The following ATP6V0A4 variants were observed in gnomAD, a reference collection of about 807,000 sequenced individuals.
ATP6V0A4 encodes the protein ATPase H+ transporting V0 subunit a4.
ATP6V0A4 carries 86 observed loss-of-function variants against 107.3 expected under a neutral mutation model. That is an observed-to-expected ratio of 0.80 (90% CI 0.67 to 0.96). ATP6V0A4 has a LOEUF of 0.96. ATP6V0A4 is among the 40% of genes least tolerant of loss of function. The pLI is 0.00. For missense variants in ATP6V0A4, 908 were observed against 1,045.6 expected (o/e 0.87, Z 1.81); for synonymous variants, 353 against 381.4 (o/e 0.93, Z 0.87).
At chr7:138,716,688 C>G (rs903628629) in intron 19 of ATP6V0A4, among the ~76,000 whole-genome samples, 2 of 152,038 alleles carry the variant, frequency 1.3e-5, no homozygotes, top group Non-Finnish European at 1.5e-5. Flanking sequence ...CTCAGCCTAC[C>G]GAGTAGCTGG....
chr7:138,717,195 A>G (rs924947395), intron 19 of ATP6V0A4, among the ~76,000 whole-genome samples: 15 of 152,186 alleles, frequency 9.9e-5, no homozygotes, highest in Non-Finnish European at 1.5e-5. Flanking sequence ...GCCCCGAAGA[A>G]AAGTCCCGGC....
At chr7:138,718,998 A>G (rs1209913090) in intron 19 of ATP6V0A4, among the ~76,000 whole-genome samples, 1 of 152,082 alleles carries the variant, frequency 6.6e-6, no homozygotes, top group Admixed American at 6.6e-5. Context: ...CAACCCGAGC[A>G]ACAAAGTGAG....
chr7:138,707,361 T>TATTATATATATATTTATATATATATTAC (rs1803493292), intron 21 of ATP6V0A4, among the ~76,000 whole-genome samples: 2 of 107,256 alleles, frequency 1.9e-5, no homozygotes, highest in Non-Finnish European at 3.5e-5. Context: ...ATATATATTA[T>TATTATATATATATTTATATATATATTAC]ATTATATATA....
Position 138,749,308 on chromosome 7 carries a change from C to T in ATP6V0A4, c.1039G>A (p.Gly347Ser), listed in dbSNP as rs780119294. 6.3e-7 allele frequency: 1 copy of T among 1,586,912 alleles called. No individual in the cohort carries two copies. The highest frequency in any genetic ancestry group is 2.3e-5 in the East Asian group (1 of 44,130). The change falls in exon 12 of 22, where the codon GGC becomes AGC. Residue 347 changes from glycine to serine, a missense_variant. By Grantham distance (56) the Gly-to-Ser change is moderately conservative (BLOSUM62 0). Transcript: ENST00000310018. Reference protein sequence around the residue: ...RALEQGMELSGSSMAPIMTTV... With the variant: ...RALEQGMELSSSSMAPIMTTV... ...GTCATGATGGGGGCCATGGAGGAGCCACTTAGTTCCTGGAAAAAAAAAAAA... is the reference window on the plus strand; with the variant it reads ...GTCATGATGGGGGCCATGGAGGAGCTACTTAGTTCCTGGAAAAAAAAAAAA...
chr7:138,762,298 G>T (rs371168414), intron 7 of ATP6V0A4, 42 bp downstream of exon 7: 36 of 1,603,272 alleles, frequency 2.2e-5, no homozygotes, highest in African/African-American at 1.5e-4. Flanking sequence ...GAAATCACTC[G>T]CCAGGACCAG....
intron 2 of ATP6V0A4, among the ~76,000 whole-genome samples, 152 bp downstream of exon 2, chr7:138,786,006 C>T (rs1434220263): frequency 6.6e-6 from 1 of 152,188 alleles, no homozygotes; most frequent in Non-Finnish European, 1.5e-5. Context: ...TCCTAGGACA[C>T]TGAGCCCTCC....
chr7:138,763,351 G>C (rs1269785533), intron 5 of ATP6V0A4, among the ~76,000 whole-genome samples: 1 of 152,188 alleles, frequency 6.6e-6, no homozygotes, highest in Non-Finnish European at 1.5e-5. Context: ...GGCCAGGCTG[G>C]GTGCGGTGGC....
intron 1 of ATP6V0A4, among the ~76,000 whole-genome samples, chr7:138,797,354 A>C (rs1237129431): frequency 1.3e-5 from 2 of 151,466 alleles, no homozygotes; most frequent in Non-Finnish European, 2.9e-5. Flanking sequence ...AGTGGCTGGG[A>C]CTACAGGCAT....
chr7:138,798,165 C>A lies in ATP6V0A4; in HGVS notation c.-252G>T. Reference sequence around the variant, plus strand: ...GATCCTCAGCCTGGCCTTTGCCTCCCTCCACTCGGCTTGCTCGGCAGGTAG... The same window carrying A: ...GATCCTCAGCCTGGCCTTTGCCTCCATCCACTCGGCTTGCTCGGCAGGTAG... On this transcript the variant is annotated 5_prime_UTR_variant, in exon 1 of 22. It adds an upstream start codon to the 5' untranslated region. Coordinates refer to ENST00000310018, the MANE Select transcript of ATP6V0A4 (RefSeq NM_020632.3). The A allele has an allele frequency of 6.3e-7, 1 of 1,597,802 alleles. No individual in the cohort carries two copies. The highest frequency in any genetic ancestry group is 2.3e-5 in the East Asian group (1 of 44,154).
intron 18 of ATP6V0A4, 93 bp downstream of exon 18, chr7:138,728,668 G>T (rs977306085): frequency 3.9e-6 from 6 of 1,546,862 alleles, no homozygotes; most frequent in Non-Finnish European, 5.4e-6. Context: ...GGCCCTGGCA[G>T]CCCAGGACGA....
intron 21 of ATP6V0A4, among the ~76,000 whole-genome samples, chr7:138,708,017 T>TTTTTTTTATTTA (rs1554386308): frequency 3.6e-5 from 5 of 139,954 alleles, no homozygotes; most frequent in African/African-American, 1.1e-4. Context: ...TTATGTTTTA[T>TTTTTTTTATTTA]TTTATTTATT....
intron 2 of ATP6V0A4, among the ~76,000 whole-genome samples, chr7:138,775,238 A>T (rs916183877): frequency 1.3e-5 from 2 of 152,010 alleles, no homozygotes; most frequent in African/African-American, 4.8e-5. Context: ...CCAGTTCATG[A>T]ATGTTCTATC....
At chr7:138,751,711 G>A (rs759778549) in intron 11 of ATP6V0A4, among the ~76,000 whole-genome samples, 5 of 151,996 alleles carry the variant, frequency 3.3e-5, no homozygotes, top group African/African-American at 4.8e-5. Flanking sequence ...AGAACTCAAC[G>A]AGGACAGAGT....
intron 2 of ATP6V0A4, among the ~76,000 whole-genome samples, chr7:138,777,358 T>G (rs1243155446): frequency 6.6e-6 from 1 of 152,022 alleles, no homozygotes; most frequent in Admixed American, 6.6e-5. Context: ...CTCACGCCTG[T>G]CATCCCAGCA....
At chr7:138,707,175 T>TA (rs1803433826) in intron 21 of ATP6V0A4, among the ~76,000 whole-genome samples, 1 of 56,682 alleles carries the variant, frequency 1.8e-5, no homozygotes, top group East Asian at 3.1e-4. Context: ...ATTATATATA[T>TA]TATATAATAT....
At chr7:138,780,201 T>C (rs1807855737) in intron 2 of ATP6V0A4, 1 of 152,240 alleles carries the variant, frequency 6.6e-6, no homozygotes, top group South Asian at 2.1e-4. Context: ...AGACCTGTTT[T>C]GTGGAAGACA....
Position 138,760,444 on chromosome 7 carries a change from CAAAA to C in ATP6V0A4, c.513-570_513-567del, listed in dbSNP as rs570463822. On this transcript the variant is annotated intron_variant, in intron 7 of 21. Coordinates refer to ENST00000310018, the MANE Select transcript of ATP6V0A4 (RefSeq NM_020632.3). ...GGCAGAGAAGGGTGAAACTCTGTCT[CAAAA>C]AAAAAAAAAAAAAAAAGAATATGAT... 1.6e-4 allele frequency among the ~76,000 whole-genome samples: 10 copies of C among 60,830 alleles called. No individual in the cohort carries two copies. The South Asian group carries it at 2.5e-3, about 15-fold the overall frequency. The allele number at this position is 60,830 out of a possible 152,430, so 39.9% of individuals were successfully genotyped here.
intron 10 of ATP6V0A4, among the ~76,000 whole-genome samples, chr7:138,753,200 C>T (rs1209697226): frequency 6.6e-6 from 1 of 152,162 alleles, no homozygotes; most frequent in Non-Finnish European, 1.5e-5. Context: ...TTTGAATGGG[C>T]TCTAATCCCA....
rs182364048 is a variant in ATP6V0A4 at position 138,722,640 on chromosome 7, G to A, written c.2011-615C>T. Among the ~76,000 whole-genome samples the A allele has an allele frequency of 5.9e-3, 885 of 150,796 alleles. 5 individuals carry two copies. Among genetic ancestry groups the A allele is most frequent in the Non-Finnish European group, 1.0e-2 (675 of 67,814 alleles). Reference sequence around the variant, plus strand: ...CATGCCTGTAATCCCAGCTACCCGGGAGGCTGAGGCAGGAGAGTCATTGGA... The same window carrying A: ...CATGCCTGTAATCCCAGCTACCCGGAAGGCTGAGGCAGGAGAGTCATTGGA... On this transcript the variant is annotated intron_variant, in intron 18 of 21. Coordinates refer to ENST00000310018, the MANE Select transcript of ATP6V0A4 (RefSeq NM_020632.3).
Sources: gnomAD v4.1 joint callset for allele counts (sites outside exome capture counted in the v4.1 genomes callset) on GRCh38, gnomAD v4.1.1 for gene constraint, MANE v1.5 for transcripts, NCBI Gene and HGNC (gene_info 2026-07-23, HGNC 2026-07-21) for gene names.